Variants in ST3GAL3 observed in about 807,000 individuals in gnomAD.
ST3GAL3 encodes ST3 beta-galactoside alpha-2,3-sialyltransferase 3.
In ST3GAL3, 21 loss-of-function variants were observed where a neutral mutation model predicts 50.1. That is an observed-to-expected ratio of 0.42 (90% confidence interval 0.30 to 0.60). The LOEUF (loss-of-function observed/expected upper bound fraction) is 0.60, where lower values mean the gene tolerates loss of function less well. Among genes scored for constraint, ST3GAL3 ranks in the 20% least tolerant of loss-of-function variants. The pLI, the probability that ST3GAL3 is intolerant of heterozygous loss-of-function variation, is 0.19. For synonymous variants in ST3GAL3, 183 were observed against 190.0 expected, an observed-to-expected ratio of 0.96 and a Z score of 0.30; for missense variants, 353 against 489.4, an observed-to-expected ratio of 0.72 and a Z score of 2.63.
intron 4 of ST3GAL3, among the ~76,000 whole-genome samples, chr1:43,826,189 T>C (rs1440246248): frequency 6.6e-6 from 1 of 151,712 alleles, no homozygotes; most frequent in African/African-American, 2.4e-5. Context: ...GCCCGAGAGG[T>C]CAAGGCTTCA....
At chr1:43,794,322 A>G (rs935097888) in intron 3 of ST3GAL3, among the ~76,000 whole-genome samples, 1 of 152,238 alleles carries the variant, frequency 6.6e-6, no homozygotes, top group African/African-American at 2.4e-5. Flanking sequence ...GTTTGATTGT[A>G]TTAGTACTCA....
At chr1:43,807,417 A>AAAATAAATAAATAAATAAATAAATAAAT (rs59894927) in intron 3 of ST3GAL3, among the ~76,000 whole-genome samples, 1 of 142,614 alleles carries the variant, frequency 7.0e-6, no homozygotes, top group Non-Finnish European at 1.5e-5. Context: ...CTCTGTCTCA[A>AAAATAAATAAATAAATAAATAAATAAAT]AAATAAATAA....
intron 1 of ST3GAL3, chr1:43,727,400 T>C (rs1410386590): frequency 6.6e-6 from 1 of 152,134 alleles, no homozygotes; most frequent in Non-Finnish European, 1.5e-5. Context: ...AGGTCGATAT[T>C]AATCAAGTAA....
intron 2 of ST3GAL3, among the ~76,000 whole-genome samples, chr1:43,741,191 T>C (rs1207020453): frequency 6.6e-6 from 1 of 151,858 alleles, no homozygotes; most frequent in Non-Finnish European, 1.5e-5. Flanking sequence ...TAGCTGAATG[T>C]GGTGGTACAT....
At chr1:43,920,678 T>G in intron 10 of ST3GAL3, 104 bp from the exon 11 acceptor site, 18 of 1,609,676 alleles carry the variant, frequency 1.1e-5, no homozygotes, top group South Asian at 4.4e-5. Flanking sequence ...GCTCAGTCCT[T>G]GGGCATGGAG....
At chr1:43,800,392 C>T (rs548747429) in intron 3 of ST3GAL3, among the ~76,000 whole-genome samples, 1 of 152,202 alleles carries the variant, frequency 6.6e-6, no homozygotes, top group Non-Finnish European at 1.5e-5. Flanking sequence ...TGCACTTTGG[C>T]CAGACCTTCT....
At chr1:43,719,437 G>A (rs1308806671) in intron 1 of ST3GAL3, among the ~76,000 whole-genome samples, 1 of 151,652 alleles carries the variant, frequency 6.6e-6, no homozygotes, top group Admixed American at 6.6e-5. Flanking sequence ...CGAGATGAGC[G>A]GATTGCCTGA....
chr1:43,857,502 T>TCTTCCTTC (rs201810583), intron 5 of ST3GAL3, among the ~76,000 whole-genome samples: 1 of 109,960 alleles, frequency 9.1e-6, no homozygotes, highest in South Asian at 3.0e-4. Context: ...CTTCCTTCCC[T>TCTTCCTTC]CTTCCTTCCT....
At chr1:43,894,592 C>T in intron 6 of ST3GAL3, 115 bp downstream of exon 6, 1 of 932,532 alleles carries the variant, frequency 1.1e-6, no homozygotes, top group Non-Finnish European at 1.8e-6. Flanking sequence ...CCTTCCTCTA[C>T]TCTCAACAAA....
intron 2 of ST3GAL3, among the ~76,000 whole-genome samples, chr1:43,770,718 C>G (rs149343234): frequency 6.6e-6 from 1 of 152,262 alleles, no homozygotes; most frequent in East Asian, 1.9e-4. Flanking sequence ...ACTGTTAACT[C>G]TAGAAACAAA....
rs72678661 is a variant in ST3GAL3 at position 43,735,320 on chromosome 1, G to T, written c.-30-913G>T. Among the ~76,000 whole-genome samples, 824 of 152,278 alleles carry T rather than the reference G, an allele frequency of 5.4e-3. 4 individuals are homozygous for T. Among genetic ancestry groups the T allele is most frequent in the Non-Finnish European group, 9.0e-3 (612 of 68,018 alleles). ...GTCTTCAAATAGGGAGATTATCCTG[G>T]ATTATTAAGGTGGGCCCAATATAAT... On this transcript the variant is annotated intron_variant, in intron 1 of 11. Coordinates refer to ENST00000347631, the MANE Select transcript of ST3GAL3 (RefSeq NM_006279.5).
intron 1 of ST3GAL3, among the ~76,000 whole-genome samples, chr1:43,729,166 T>A (rs1176708197): frequency 6.7e-6 from 1 of 149,298 alleles, no homozygotes; most frequent in Non-Finnish European, 1.5e-5. Context: ...CTGGGCTCAC[T>A]GCAACCTCTG....
In ST3GAL3 at chr1:43,899,640, G is replaced by C; in HGVS notation, c.657G>C (p.Gln219His). The change falls in exon 9 of 12, where the codon CAG becomes CAC. Residue 219 changes from glutamine (Q) to histidine (H), a missense_variant. Physicochemically the swap from Gln to His is conservative, Grantham distance 24 (BLOSUM62 0). Coordinates refer to ENST00000347631, the MANE Select transcript of ST3GAL3 (RefSeq NM_006279.5). The surrounding 1 kb of genome is among the most constrained non-coding windows in gnomAD (Gnocchi z 5.4). ...YPEGAMQRPEQYERDSLFVLA... is the reference protein window; with the variant it reads ...YPEGAMQRPEHYERDSLFVLA... Reference sequence around the variant, plus strand: ...AGGGCGCCATGCAGCGGCCTGAGCAGTACGAGCGCGATTCTCTCTTTGTCC... The same window carrying C: ...AGGGCGCCATGCAGCGGCCTGAGCACTACGAGCGCGATTCTCTCTTTGTCC... 6.2e-7 allele frequency: 1 copy of C among 1,614,192 alleles called. No individual in the cohort carries two copies. The highest frequency in any genetic ancestry group is 1.1e-5 in the South Asian group (1 of 91,084).
chr1:43,732,539 C>T (rs1676397272), intron 1 of ST3GAL3, among the ~76,000 whole-genome samples: 1 of 152,154 alleles, frequency 6.6e-6, no homozygotes, highest in African/African-American at 2.4e-5. Context: ...CTTCACCATT[C>T]CTTGTTGGTT....
chr1:43,857,764 C>T (rs1318876764), intron 5 of ST3GAL3, among the ~76,000 whole-genome samples: 3 of 151,902 alleles, frequency 2.0e-5, no homozygotes, highest in South Asian at 4.2e-4. Context: ...TACAGGTGCC[C>T]GCCACTATGT....
intron 2 of ST3GAL3, among the ~76,000 whole-genome samples, chr1:43,746,800 T>A (rs1254192427): frequency 1.3e-5 from 2 of 149,174 alleles, no homozygotes; most frequent in African/African-American, 2.5e-5. Context: ...TCTCACTCTG[T>A]CACCCAGGTT....
At chr1:43,762,725 G>C (rs749249902) in intron 2 of ST3GAL3, among the ~76,000 whole-genome samples, 1 of 152,152 alleles carries the variant, frequency 6.6e-6, no homozygotes, top group Non-Finnish European at 1.5e-5. Flanking sequence ...ATAACTGGAA[G>C]CATAAAACCC....
intron 9 of ST3GAL3, chr1:43,914,249 A>G (rs2081412715): frequency 6.6e-6 from 1 of 152,240 alleles, no homozygotes. Context: ...CAGGTTGTGA[A>G]GTCAAACGCA....
intron 2 of ST3GAL3, among the ~76,000 whole-genome samples, chr1:43,790,547 A>G (rs1269733731): frequency 6.6e-6 from 1 of 151,400 alleles, no homozygotes; most frequent in Non-Finnish European, 1.5e-5. Flanking sequence ...GCATTGGCTT[A>G]TGTTGTAGGA....
Sources: gnomAD v4.1 joint callset for allele counts (sites outside exome capture counted in the v4.1 genomes callset) on GRCh38, gnomAD v4.1.1 for gene constraint, Gnocchi (gnomAD v3.1) non-coding constraint, MANE v1.5 for transcripts, NCBI Gene and HGNC (gene_info 2026-07-23, HGNC 2026-07-21) for gene names.